SEMA5A: variants seen among roughly 807,000 people sequenced by gnomAD.
SEMA5A encodes semaphorin-5A.
A neutral mutation model predicts 135.5 loss-of-function variants in SEMA5A; 55 were observed. The ratio of observed to expected loss-of-function variants is 0.41; its 90% CI spans 0.33 to 0.51. SEMA5A has a LOEUF of 0.51. Ranked by LOEUF, SEMA5A falls within the 20% of genes least tolerant of loss-of-function variation. The pLI, the probability that SEMA5A is intolerant of heterozygous loss-of-function variation, is 0.37. For synonymous variants in SEMA5A, 580 were observed against 546.5 expected (o/e 1.06, Z -0.85); for missense variants, 1,290 against 1,419.9 (o/e 0.91, Z 1.47).
At chr5:9,287,350 A>T (rs931541773) in intron 5 of SEMA5A, among the ~76,000 whole-genome samples, 2 of 152,234 alleles carry the variant, frequency 1.3e-5, no homozygotes, top group African/African-American at 4.8e-5. Flanking sequence ...AATAGATATT[A>T]TTCAGTTTAA....
chr5:9,484,792 A>C (rs549069102), intron 1 of SEMA5A, among the ~76,000 whole-genome samples: 2 of 152,200 alleles, frequency 1.3e-5, no homozygotes, highest in African/African-American at 4.8e-5. Flanking sequence ...GATCCACAGC[A>C]CTGGGGTTCT....
chr5:9,108,034 A>T (rs2150154766), intron 16 of SEMA5A, 106 bp downstream of exon 16: 1 of 1,392,706 alleles, frequency 7.2e-7, no homozygotes, highest in African/African-American at 1.4e-5. Flanking sequence ...TGTGCAGAAC[A>T]TTTATTGTTT....
At chr5:9,329,682 A>T (rs898195430) in intron 4 of SEMA5A, among the ~76,000 whole-genome samples, 3 of 152,250 alleles carry the variant, frequency 2.0e-5, no homozygotes, top group African/African-American at 7.2e-5. Context: ...TTCAATTATT[A>T]TCACAGCCCT....
intron 1 of SEMA5A, among the ~76,000 whole-genome samples, chr5:9,448,664 C>A (rs1412834392): frequency 1.3e-5 from 2 of 152,228 alleles, no homozygotes; most frequent in African/African-American, 4.8e-5. Flanking sequence ...ATCCAGATCT[C>A]TGTAATTCTT....
intron 7 of SEMA5A, among the ~76,000 whole-genome samples, chr5:9,226,629 T>A (rs1747325135): frequency 6.6e-6 from 1 of 152,184 alleles, no homozygotes; most frequent in Non-Finnish European, 1.5e-5. Flanking sequence ...GTTGGAATAG[T>A]TTAGAAACAT....
At chr5:9,290,792 A>G (rs1181213580) in intron 5 of SEMA5A, among the ~76,000 whole-genome samples, 1 of 152,170 alleles carries the variant, frequency 6.6e-6, no homozygotes, top group East Asian at 1.9e-4. Context: ...CTAGGTATCC[A>G]GAGACCCTCC....
At chr5:9,072,313 A>G (rs528759035) in intron 16 of SEMA5A, among the ~76,000 whole-genome samples, 2 of 152,280 alleles carry the variant, frequency 1.3e-5, no homozygotes, top group South Asian at 4.2e-4. Flanking sequence ...CTAGAGACTG[A>G]GAAGACAGGT....
At chr5:9,335,300 G>A (rs1315145822) in intron 4 of SEMA5A, among the ~76,000 whole-genome samples, 3 of 152,164 alleles carry the variant, frequency 2.0e-5, no homozygotes, top group Non-Finnish European at 2.9e-5. Context: ...CTGGGATGAA[G>A]ACCTCCTGGG....
intron 5 of SEMA5A, among the ~76,000 whole-genome samples, chr5:9,306,143 T>C (rs1751859481): frequency 6.6e-6 from 1 of 152,232 alleles, no homozygotes; most frequent in Non-Finnish European, 1.5e-5. Flanking sequence ...CTATTGTATT[T>C]GAGGTTTGCA....
intron 18 of SEMA5A, among the ~76,000 whole-genome samples, chr5:9,059,344 A>G (rs1737060029): frequency 6.6e-6 from 1 of 152,202 alleles, no homozygotes; most frequent in South Asian, 2.1e-4. Context: ...AAAGGAGTGA[A>G]GAAGAAATAA....
At chr5:9,511,536 A>G (rs1243623735) in intron 1 of SEMA5A, 2 of 152,174 alleles carry the variant, frequency 1.3e-5, no homozygotes, top group African/African-American at 4.8e-5. Flanking sequence ...AGAGCCTGAG[A>G]CCACTTAGCT....
At chr5:9,056,252 A>C (rs1173588823) in intron 18 of SEMA5A, among the ~76,000 whole-genome samples, 1 of 152,220 alleles carries the variant, frequency 6.6e-6, no homozygotes, top group Non-Finnish European at 1.5e-5. Flanking sequence ...CAACAGGGAA[A>C]TGCAAATCAA....
chr5:9,213,093 C>T (rs1190756825), intron 8 of SEMA5A, among the ~76,000 whole-genome samples: 1 of 152,160 alleles, frequency 6.6e-6, no homozygotes, highest in Non-Finnish European at 1.5e-5. Flanking sequence ...TCTCCGGGGT[C>T]TTGTTTACTC....
At chr5:9,331,032 G>C (rs1753108632) in intron 4 of SEMA5A, among the ~76,000 whole-genome samples, 1 of 152,138 alleles carries the variant, frequency 6.6e-6, no homozygotes, top group South Asian at 2.1e-4. Context: ...GCTAATCTCT[G>C]ATTTCATACC....
At chr5:9,183,258 T>C (rs947145193) in intron 11 of SEMA5A, among the ~76,000 whole-genome samples, 2 of 152,144 alleles carry the variant, frequency 1.3e-5, no homozygotes, top group Non-Finnish European at 2.9e-5. Flanking sequence ...AGCCTGCCCT[T>C]GGACAGCCGC....
intron 1 of SEMA5A, among the ~76,000 whole-genome samples, chr5:9,469,982 T>C (rs1353412328): frequency 6.6e-6 from 1 of 152,152 alleles, no homozygotes; most frequent in African/African-American, 2.4e-5. Context: ...CAATCTTCAT[T>C]TGTGAAATGA....
intron 1 of SEMA5A, among the ~76,000 whole-genome samples, chr5:9,440,868 GTCT>G (rs1345565748): frequency 2.6e-5 from 4 of 152,210 alleles, no homozygotes; most frequent in Admixed American, 6.5e-5. Context: ...TGCCAGGCCA[GTCT>G]TATGAGCTGA....
chr5:9,110,627 C>T (rs899135846), intron 15 of SEMA5A, among the ~76,000 whole-genome samples: 3 of 152,164 alleles, frequency 2.0e-5, no homozygotes, highest in Admixed American at 6.5e-5. Context: ...GCAGAAGACA[C>T]TCTTACTTCC....
chr5:9,315,886 G>A (rs887242063), intron 5 of SEMA5A, among the ~76,000 whole-genome samples: 1 of 152,020 alleles, frequency 6.6e-6, no homozygotes, highest in Non-Finnish European at 1.5e-5. Context: ...TATCATATAG[G>A]TAAGTACTTT....
Sources: gnomAD v4.1 joint callset for allele counts (sites outside exome capture counted in the v4.1 genomes callset) on GRCh38, gnomAD v4.1.1 for gene constraint, MANE v1.5 for transcripts, NCBI Gene and HGNC (gene_info 2026-07-23, HGNC 2026-07-21) for gene names.